Variants in MAGI1 observed in about 807,000 individuals in gnomAD.
MAGI1 encodes the protein membrane-associated guanylate kinase, WW and PDZ domain-containing protein 1.
A neutral mutation model predicts 139.9 loss-of-function variants in MAGI1; 58 were observed. The observed-to-expected ratio is 0.41, with a 90% CI of 0.34 to 0.52. The LOEUF (loss-of-function observed/expected upper bound fraction) is 0.52. Ranked by LOEUF, MAGI1 falls within the 20% of genes least tolerant of loss-of-function variation. MAGI1 has a pLI of 0.12. For missense variants in MAGI1, 1,874 were observed against 1,901.6 expected (o/e 0.99, Z 0.27); for synonymous variants, 812 against 737.9 (o/e 1.10, Z -1.63).
intron 2 of MAGI1, among the ~76,000 whole-genome samples, chr3:65,596,356 G>T (rs568789417): frequency 6.6e-6 from 1 of 152,272 alleles, no homozygotes; most frequent in African/African-American, 2.4e-5. Flanking sequence ...TCTTTTGAAA[G>T]CACTGAATAC....
intron 2 of MAGI1, among the ~76,000 whole-genome samples, chr3:65,495,180 C>A (rs1384141361): frequency 6.6e-6 from 1 of 152,146 alleles, no homozygotes; most frequent in Non-Finnish European, 1.5e-5. Context: ...ATCCTAGGTT[C>A]ATGGTCTGCC....
Position 66,026,998 on chromosome 3 carries a change from G to A in MAGI1, c.313+10998C>T, listed in dbSNP as rs183943446. Among the ~76,000 whole-genome samples the A allele has an allele frequency of 2.5e-3, 380 of 151,080 alleles. 7 individuals are homozygous for A. Among genetic ancestry groups the A allele is most frequent in the East Asian group, 4.1e-3 (21 of 5,104 alleles). ...AAAAAAGAGAGGACCGGCTGGGCGC[G>A]GTGGCTCACACTTGTAATCCCAGCA... On this transcript the variant is annotated intron_variant, in intron 1 of 22. Transcript: ENST00000402939.
chr3:65,645,056 AGAGCCTCAGG>A (rs1037155425), intron 1 of MAGI1, among the ~76,000 whole-genome samples: 2 of 151,874 alleles, frequency 1.3e-5, no homozygotes, highest in African/African-American at 4.8e-5. Context: ...AAAAAGAAAC[AGAGCCTCAGG>A]GATCTTTGGG....
rs567384527 is a variant in MAGI1, at chr3:65,954,090, G to A, written c.313+83906C>T. 3.3e-5 allele frequency among the ~76,000 whole-genome samples: 5 copies of A among 152,038 alleles called. No homozygotes were observed. In the South Asian group the frequency reaches 1.0e-3, roughly 32 times the overall value. ...TTTTACCCCAACCCCCCATACTCCG[G>A]CACTCAACTACTCAAGACTCCAACA... On this transcript the variant is annotated intron_variant, in intron 1 of 22. Coordinates refer to ENST00000402939, the MANE Select transcript of MAGI1 (RefSeq NM_001033057.2).
chr3:65,726,956 C>CAAAAAAAAAAAAAAAAAAA (rs539578446), intron 1 of MAGI1, among the ~76,000 whole-genome samples: 1 of 102,194 alleles, frequency 9.8e-6, no homozygotes. Context: ...CTCCAAAATC[C>CAAAAAAAAAAAAAAAAAAA]AAAAAAAAAA....
At chr3:65,509,577 G>C (rs535093884) in intron 2 of MAGI1, among the ~76,000 whole-genome samples, 3 of 152,318 alleles carry the variant, frequency 2.0e-5, no homozygotes, top group African/African-American at 7.2e-5. Flanking sequence ...ACTCCCACCC[G>C]AATATTTCGC....
At chr3:66,036,318 C>T (rs1253120413) in intron 1 of MAGI1, among the ~76,000 whole-genome samples, 4 of 152,142 alleles carry the variant, frequency 2.6e-5, no homozygotes, top group African/African-American at 9.7e-5. Context: ...GTGAGGAAGA[C>T]GCATTGTCAG....
rs555823473 is a variant in MAGI1 at position 65,508,126 on chromosome 3, G to A, written c.431-14495C>T. Among the ~76,000 whole-genome samples, 642 of 152,258 alleles carry A rather than the reference G, an allele frequency of 4.2e-3. 2 individuals carry two copies. Among genetic ancestry groups the A allele is most frequent in the Non-Finnish European group, 7.1e-3 (485 of 68,012 alleles). On this transcript the variant is annotated intron_variant, in intron 2 of 22. Coordinates refer to ENST00000402939, the MANE Select transcript of MAGI1 (RefSeq NM_001033057.2). ...CAATTTTTAAAAAATAAAATCGGCC[G>A]GGCGCGGTGGCTCACGCCTGTAATC... is the stretch of plus-strand genomic sequence containing the variant.
At chr3:65,693,445 T>C (rs56154392) in intron 1 of MAGI1, among the ~76,000 whole-genome samples, 28,411 of 151,978 alleles carry the variant, frequency 0.19, 2,956 homozygotes, top group Non-Finnish European at 0.24. Context: ...ACCTGGACCA[T>C]AAAATATAGC....
chr3:65,428,563 A>G (rs922872097), intron 12 of MAGI1, among the ~76,000 whole-genome samples: 2 of 152,136 alleles, frequency 1.3e-5, no homozygotes, highest in African/African-American at 4.8e-5. Context: ...GTTTCTGCCA[A>G]ATAGAAATAA....
intron 1 of MAGI1, among the ~76,000 whole-genome samples, chr3:65,992,072 T>C (rs1026153922): frequency 2.6e-5 from 4 of 152,102 alleles, no homozygotes; most frequent in African/African-American, 7.2e-5. Context: ...GAAACAAGCA[T>C]GCAAGATGAT....
At position 65,453,335 on chromosome 3, in the gene MAGI1, T is replaced by C. The variant is rs1559566368; in HGVS notation, c.965A>G (p.Asn322Ser). 2 of 1,609,412 alleles carry C rather than the reference T, an allele frequency of 1.2e-6. No homozygotes were observed. The highest frequency in any genetic ancestry group is 8.5e-7 in the Non-Finnish European group (1 of 1,178,420). The change falls in exon 6 of 23, where the codon AAC (asparagine) becomes AGC (serine). Residue 322 changes from asparagine to serine, a missense_variant. By Grantham distance (46) the Asn-to-Ser change is conservative. Around this residue, in one of 5 missense-constraint regions of MAGI1, gnomAD observed 648 missense variants for 598.1 expected, o/e 1.08. Coordinates refer to ENST00000402939, the MANE Select transcript of MAGI1 (RefSeq NM_001033057.2). ...ENGEVYFIDH[N>S]TKTTSWLDPR... The stretch of plus-strand genomic sequence containing the variant: ...GTCTAACCAAGATGTTGTTTTCGTG[T>C]TATGGCTGCAATCCAGAAACAAAAA...
At chr3:65,608,814 T>C (rs1311027201) in intron 2 of MAGI1, among the ~76,000 whole-genome samples, 1 of 152,172 alleles carries the variant, frequency 6.6e-6, no homozygotes, top group African/African-American at 2.4e-5. Context: ...TGTATAAGAA[T>C]GCTCACAACA....
intron 2 of MAGI1, chr3:65,619,966 T>C: frequency 2.0e-6 from 2 of 985,406 alleles, no homozygotes; most frequent in South Asian, 4.7e-5. Context: ...ACAAACATGA[T>C]TTTTCCACTG....
At chr3:65,378,838 C>T (rs868386244) in intron 17 of MAGI1, among the ~76,000 whole-genome samples, 54 of 152,226 alleles carry the variant, frequency 3.5e-4, no homozygotes, top group Middle Eastern at 3.4e-3. Context: ...TGCACTACCA[C>T]GCCCAGCTAC....
At chr3:65,732,979 T>TA (rs1436255713) in intron 1 of MAGI1, among the ~76,000 whole-genome samples, 1 of 152,222 alleles carries the variant, frequency 6.6e-6, no homozygotes, top group African/African-American at 2.4e-5. Context: ...GGTAAGAATC[T>TA]ATTAAGTTCT....
At chr3:65,519,055 C>T (rs1465957944) in intron 2 of MAGI1, among the ~76,000 whole-genome samples, 2 of 152,078 alleles carry the variant, frequency 1.3e-5, no homozygotes, top group East Asian at 3.9e-4. Context: ...CTAGGCACAA[C>T]AGGTAACACC....
At chr3:65,487,228 C>T (rs527623530) in intron 3 of MAGI1, among the ~76,000 whole-genome samples, 2 of 152,322 alleles carry the variant, frequency 1.3e-5, no homozygotes, top group East Asian at 3.9e-4. Context: ...TCCACTCTCC[C>T]TGTCTTATGG....
At chr3:65,777,565 G>C (rs2038553737) in intron 1 of MAGI1, among the ~76,000 whole-genome samples, 1 of 151,088 alleles carries the variant, frequency 6.6e-6, no homozygotes, top group Non-Finnish European at 1.5e-5. Flanking sequence ...CTTGAGCCTG[G>C]GAGGTTGAGG....
Sources: allele counts gnomAD v4.1 joint callset (sites outside exome capture counted in the v4.1 genomes callset), GRCh38; gene constraint gnomAD v4.1.1; regional missense constraint gnomAD v4.1.1; transcripts MANE v1.5; gene names NCBI Gene and HGNC (gene_info 2026-07-23, HGNC 2026-07-21).